The following TLR6 variants were observed in gnomAD, a reference collection of about 807,000 sequenced individuals.
The protein encoded by TLR6 is toll like receptor 6.
Under a neutral mutation model 16.1 loss-of-function variants are expected in TLR6, and 9 were observed. The observed-to-expected ratio is 0.56, with a 90% CI of 0.34 to 0.98. The LOEUF is 0.98. Among genes scored for constraint, TLR6 ranks in the 50% least tolerant of loss-of-function variants. The probability of loss-of-function intolerance (pLI) is 0.02; values close to 1 mark genes in which losing one functional copy is unlikely to be tolerated. For synonymous variants in TLR6, 340 were observed against 338.6 expected, an observed-to-expected ratio of 1.00 and a Z score of -0.04; for missense variants, 786 against 921.0, an observed-to-expected ratio of 0.85 and a Z score of 1.90.
chr4:38,837,347 A>C (rs1305863219), intron 1 of TLR6, among the ~76,000 whole-genome samples: 1 of 152,208 alleles, frequency 6.6e-6, no homozygotes, highest in Non-Finnish European at 1.5e-5. Context: ...ACTGCAAAGC[A>C]AAAGTAGCAT....
chr4:38,836,219 TA>T (rs1210711119), intron 1 of TLR6, among the ~76,000 whole-genome samples: 1 of 151,390 alleles, frequency 6.6e-6, no homozygotes, highest in Non-Finnish European at 1.5e-5. Context: ...ACAAAACCAA[TA>T]AACTTTTAGC....
chr4:38,847,459 A>G (rs536072597), intron 1 of TLR6, among the ~76,000 whole-genome samples: 3 of 152,196 alleles, frequency 2.0e-5, no homozygotes, highest in African/African-American at 7.2e-5. Context: ...GTGCAGCTCA[A>G]TGAGTGTGAG....
intron 1 of TLR6, among the ~76,000 whole-genome samples, chr4:38,846,262 G>A (rs1712527332): frequency 2.0e-5 from 3 of 151,510 alleles, no homozygotes; most frequent in Admixed American, 6.6e-5. Flanking sequence ...ATAATAGAAA[G>A]GAGCCAAACT....
chr4:38,828,879 G>T (rs1408769582), exon 2 of TLR6: 2 of 1,613,078 alleles, frequency 1.2e-6, no homozygotes, highest in South Asian at 2.2e-5. Flanking sequence ...ACAAGGTGAA[G>T]GGTTTTTGCA....
intron 1 of TLR6, among the ~76,000 whole-genome samples, chr4:38,845,427 A>G (rs1712480771): frequency 6.6e-6 from 1 of 152,272 alleles, no homozygotes; most frequent in Admixed American, 6.5e-5. Context: ...TGATCTTAAA[A>G]TAGGAAGATT....
rs757237670 is a variant in TLR6 at position 38,827,813 on chromosome 4, C to T, written c.1661G>A (p.Gly554Asp). ...GTCACACTTATAAGAATCAGGCCAG[C>T]CCTCTAACACTTCACTTGATACTTG... is the stretch of plus-strand genomic sequence containing the variant. The change falls in exon 2 of 2, where the codon GGC (glycine) becomes GAC (aspartate). Residue 554 changes from glycine to aspartate, a missense_variant. By Grantham distance (94) the Gly-to-Asp change is moderately conservative. Coordinates refer to ENST00000436693, the Ensembl canonical transcript of TLR6. 3 of 1,614,202 alleles carry T rather than the reference C, an allele frequency of 1.9e-6. No individual in the cohort carries two copies. In the South Asian group the frequency reaches 3.3e-5, roughly 18 times the overall value.
At chr4:38,829,654 C>A in intron 1 of TLR6, 117 bp from the exon 2 acceptor site, 1 of 543,764 alleles carries the variant, frequency 1.8e-6, no homozygotes, top group African/African-American at 1.9e-5. Context: ...CATTTCTGTC[C>A]CCATAATTTA....
chr4:38,849,833 CAG>C (rs1491235660), intron 1 of TLR6, among the ~76,000 whole-genome samples: 2 of 152,102 alleles, frequency 1.3e-5, no homozygotes, highest in Non-Finnish European at 2.9e-5. Context: ...ATCAACGAGA[CAG>C]AAAGTTAACA....
At chr4:38,866,375 C>T in the TLR6 span, among the ~76,000 whole-genome samples, 1 of 151,724 alleles carries the variant, frequency 6.6e-6, no homozygotes, top group Non-Finnish European at 1.5e-5. Context: ...CACCTGTAAT[C>T]CCAGCTACTC....
At chr4:38,830,010 T>A (rs1200428538) in intron 1 of TLR6, among the ~76,000 whole-genome samples, 1 of 152,202 alleles carries the variant, frequency 6.6e-6, no homozygotes, top group Non-Finnish European at 1.5e-5. Context: ...TGAGGAAATC[T>A]CTGTATATAC....
chr4:38,858,903 G>T (rs531886565), upstream of TLR6, among the ~76,000 whole-genome samples: 18 of 145,280 alleles, frequency 1.2e-4, no homozygotes, highest in African/African-American at 4.7e-4. Context: ...AAGAAAGAAA[G>T]AAAAGAAAGA....
chr4:38,834,981 G>T, intron 1 of TLR6, among the ~76,000 whole-genome samples: 1 of 152,136 alleles, frequency 6.6e-6, no homozygotes, highest in Non-Finnish European at 1.5e-5. Context: ...ATACATAAAT[G>T]AAAGAGAAAA....
exon 2 of TLR6, chr4:38,828,741 G>A (rs767569387): frequency 6.2e-7 from 1 of 1,613,766 alleles, no homozygotes; most frequent in African/African-American, 1.3e-5. Flanking sequence ...CCTCTGGTGA[G>A]TTCTGATAAA....
chr4:38,850,772 C>T (rs141273518), intron 1 of TLR6, among the ~76,000 whole-genome samples: 2,579 of 152,222 alleles, frequency 0.017, 80 homozygotes, highest in African/African-American at 0.055. Flanking sequence ...CAGGACCAGA[C>T]GGATTCACAG....
At chr4:38,832,827 T>C (rs775209073) in intron 1 of TLR6, among the ~76,000 whole-genome samples, 6 of 152,154 alleles carry the variant, frequency 3.9e-5, no homozygotes, top group Non-Finnish European at 7.4e-5. Context: ...CTAGTGGCTT[T>C]CCCTGGGACA....
At chr4:38,843,604 A>G (rs1295157516) in intron 1 of TLR6, 2 of 152,260 alleles carry the variant, frequency 1.3e-5, no homozygotes, top group Non-Finnish European at 2.9e-5. Flanking sequence ...TGGAAATAGT[A>G]AAACAGGCAA....
At chr4:38,830,087 T>A (rs1006187573) in intron 1 of TLR6, among the ~76,000 whole-genome samples, 10 of 152,080 alleles carry the variant, frequency 6.6e-5, no homozygotes, top group South Asian at 2.1e-4. Flanking sequence ...CCTGAGAAAA[T>A]CCTAAACTTC....
At chr4:38,853,913 CTA>C (rs1184875154) in intron 1 of TLR6, among the ~76,000 whole-genome samples, 1 of 152,142 alleles carries the variant, frequency 6.6e-6, no homozygotes, top group African/African-American at 2.4e-5. Flanking sequence ...AATATTTTCA[CTA>C]TATGTGACAA....
Position 38,840,979 on chromosome 4 carries a change from A to C in TLR6, c.-64-11442T>G, listed in dbSNP as rs568041175. 9.9e-5 allele frequency among the ~76,000 whole-genome samples: 15 copies of C among 152,224 alleles called. No individual in the cohort carries two copies. In the South Asian group the frequency reaches 3.1e-3, roughly 32 times the overall value. ...TAATGGTGAAAGTTGGCCAGCTCTT[A>C]TGGACTACCTCCATGCAATTGCCCA... On this transcript the variant is annotated intron_variant, in intron 1 of 1. Transcript: ENST00000436693.
Sources: allele counts gnomAD v4.1 joint callset (sites outside exome capture counted in the v4.1 genomes callset), GRCh38; gene constraint gnomAD v4.1.1; transcripts MANE v1.5; gene names NCBI Gene and HGNC (gene_info 2026-07-23, HGNC 2026-07-21).